The following KIAA1755 variants were observed in gnomAD, a reference collection of about 807,000 sequenced individuals.
KIAA1755 encodes uncharacterized protein KIAA1755.
In KIAA1755, 68 loss-of-function variants were observed where a neutral mutation model predicts 91.7. The observed-to-expected ratio is 0.74, with a 90% CI of 0.61 to 0.91. The LOEUF is 0.91. KIAA1755 is among the 40% of genes least tolerant of loss of function. The probability of loss-of-function intolerance (pLI) is 0.00; values close to 1 mark genes in which losing one functional copy is unlikely to be tolerated. For missense variants in KIAA1755, 1,535 were observed against 1,494.4 expected (o/e 1.03, Z -0.45); for synonymous variants, 610 against 604.6 (o/e 1.01, Z -0.13).
chr20:38,250,998 A>T (rs2123312151), intron 1 of KIAA1755, among the ~76,000 whole-genome samples: 1 of 152,254 alleles, frequency 6.6e-6, no homozygotes, highest in Non-Finnish European at 1.5e-5. Context: ...GTAACTCCAA[A>T]AATAAACTGA....
rs1198701514 is a variant in KIAA1755, at chr20:38,223,561, C to A, written c.2245G>T (p.Ala749Ser). The change falls in exon 9 of 14, where the codon GCC (alanine) becomes TCC (serine). Residue 749 changes from alanine to serine, a missense_variant. Physicochemically the swap from Ala to Ser is moderately conservative, Grantham distance 99. Coordinates refer to ENST00000279024, the MANE Select transcript of KIAA1755 (RefSeq NM_001029864.2). ...ACCTGCATCCCCCCAGGGGGGTCGG[C>A]CTTCTCGAATTCCTCGATGGAAGCT... ...LQASIEEFEK[A>S]DPPGGMQEAT... is the part of the protein sequence containing the mutation. The A allele has an allele frequency of 1.9e-6, 3 of 1,599,062 alleles. No homozygotes were observed. The highest frequency in any genetic ancestry group is 2.6e-6 in the Non-Finnish European group (3 of 1,174,192).
chr20:38,251,386 C>T (rs1286128838), intron 1 of KIAA1755, among the ~76,000 whole-genome samples: 2 of 152,188 alleles, frequency 1.3e-5, no homozygotes, highest in East Asian at 1.9e-4. Flanking sequence ...TAACCAGGCC[C>T]GCATTCCTGG....
intron 8 of KIAA1755, 52 bp from the exon 9 acceptor site, chr20:38,223,688 A>G (rs939752820): frequency 4.3e-6 from 6 of 1,398,136 alleles, no homozygotes; most frequent in Non-Finnish European, 5.0e-6. Flanking sequence ...AACCAGGAGG[A>G]TGCCTCTTGC....
At chr20:38,224,436 T>C (rs138195547) in intron 8 of KIAA1755, among the ~76,000 whole-genome samples, 1 of 152,336 alleles carries the variant, frequency 6.6e-6, no homozygotes, top group East Asian at 1.9e-4. Context: ...ACTTACTGCC[T>C]ATTCAAAAAC....
chr20:38,219,022 G>A (rs988672008), intron 11 of KIAA1755, among the ~76,000 whole-genome samples: 10 of 152,130 alleles, frequency 6.6e-5, no homozygotes, highest in African/African-American at 1.7e-4. Flanking sequence ...AATGTAGCAC[G>A]TACTGATATT....
chr20:38,243,499 G>C (rs1027120501), intron 2 of KIAA1755, among the ~76,000 whole-genome samples: 7 of 152,208 alleles, frequency 4.6e-5, no homozygotes, highest in Middle Eastern at 3.2e-3. Context: ...CCAGAGTGAT[G>C]ATGGCTTTGC....
Position 38,217,464 on chromosome 20 carries a change from C to A in KIAA1755, c.2690G>T (p.Arg897Leu), listed in dbSNP as rs150964778. 29 of 1,605,762 alleles carry A rather than the reference C, an allele frequency of 1.8e-5. No individual in the cohort carries two copies. Among genetic ancestry groups the A allele is most frequent in the Non-Finnish European group, 2.5e-5 (29 of 1,176,462 alleles). ...CTGCTTGGACAGCTCCAGGCCTCGG[C>A]GGTACTGGGCCTGAGAGGGGAGAGG... ...NFFLQAAAQY[R>L]RGLELSKQAA... Residue 897 changes from arginine (R) to leucine (L), a missense_variant, in exon 13 of 14, where the codon CGC (arginine) becomes CTC (leucine). Physicochemically the swap from Arg to Leu is moderately radical, Grantham distance 102. Transcript: ENST00000279024.
At chr20:38,239,189 C>A (rs1485286672) in intron 4 of KIAA1755, among the ~76,000 whole-genome samples, 1 of 152,236 alleles carries the variant, frequency 6.6e-6, no homozygotes, top group Admixed American at 6.5e-5. Flanking sequence ...ACCCTCTGTC[C>A]TTCTCCTCAG....
At chr20:38,215,721 G>T (rs1380876770) in intron 13 of KIAA1755, among the ~76,000 whole-genome samples, 1 of 152,204 alleles carries the variant, frequency 6.6e-6, no homozygotes, top group African/African-American at 2.4e-5. Context: ...ATCCGGGAAG[G>T]CCAGTGGGGC....
chr20:38,223,333 G>A (rs567862372), intron 9 of KIAA1755, among the ~76,000 whole-genome samples: 1 of 152,372 alleles, frequency 6.6e-6, no homozygotes, highest in South Asian at 2.1e-4. Flanking sequence ...CGAGCCCCAA[G>A]AGGGCAGGGA....
intron 1 of KIAA1755, among the ~76,000 whole-genome samples, chr20:38,259,118 G>A (rs1185026435): frequency 5.9e-5 from 9 of 152,154 alleles, no homozygotes; most frequent in African/African-American, 1.9e-4. Context: ...GGAGATAGCC[G>A]CAGGTCTAAT....
chr20:38,217,855 C>G (rs2075579286), intron 12 of KIAA1755: 1 of 419,790 alleles, frequency 2.4e-6, no homozygotes, highest in South Asian at 3.2e-5. Context: ...CCGCTCCCCA[C>G]TGGCCTGAGA....
chr20:38,229,106 T>C (rs915076590), intron 5 of KIAA1755, among the ~76,000 whole-genome samples: 1 of 152,174 alleles, frequency 6.6e-6, no homozygotes, highest in African/African-American at 2.4e-5. Context: ...TCAGGCAGGA[T>C]TGAAAAATAG....
intron 10 of KIAA1755, 149 bp downstream of exon 10, chr20:38,222,300 G>T (rs1043005702): frequency 8.7e-6 from 7 of 806,914 alleles, no homozygotes; most frequent in Non-Finnish European, 1.0e-5. Context: ...GTGACCAGGC[G>T]TCAGCCTGGG....
chr20:38,250,358 A>G (rs1218860920), intron 1 of KIAA1755, among the ~76,000 whole-genome samples: 2 of 152,126 alleles, frequency 1.3e-5, no homozygotes, highest in African/African-American at 4.8e-5. Flanking sequence ...TAAGGAGTTG[A>G]TCAAGATTGG....
At chr20:38,250,289 TA>T (rs1237319740) in intron 1 of KIAA1755, among the ~76,000 whole-genome samples, 1 of 152,176 alleles carries the variant, frequency 6.6e-6, no homozygotes, top group Non-Finnish European at 1.5e-5. Context: ...AAGTCAGATT[TA>T]ACTCGTTGTG....
chr20:38,220,721 G>A (rs555812690), intron 10 of KIAA1755, among the ~76,000 whole-genome samples: 2 of 152,322 alleles, frequency 1.3e-5, no homozygotes, highest in South Asian at 4.1e-4. Flanking sequence ...AGCGCACGAT[G>A]TTTGTCAGGT....
chr20:38,222,954 C>T (rs1015188050), intron 9 of KIAA1755: 22 of 341,502 alleles, frequency 6.4e-5, no homozygotes, highest in Admixed American at 1.8e-4. Flanking sequence ...GCTTTCCCTG[C>T]AGGCTTCGAA....
rs1206867549 is a variant in KIAA1755 at position 38,213,592 on chromosome 20, C to A, written c.3053G>T (p.Gly1018Val). 1 of 1,609,096 alleles carries A rather than the reference C, an allele frequency of 6.2e-7. No individual in the cohort carries two copies. The highest frequency in any genetic ancestry group is 1.7e-5 in the Admixed American group (1 of 59,762). ...CCGGCTCAGGGAGGCCACCTGCAGC[C>A]CCACGGCTGCGAGCTTCTCAGCAGG... Reference protein sequence around the residue: ...EFPAEKLAAVGLQVASLSRAG... With the variant: ...EFPAEKLAAVVLQVASLSRAG... The change falls in exon 14 of 14, where the codon GGG becomes GTG. Residue 1018 changes from glycine (G) to valine (V), a missense_variant. Gly to Val is a moderately radical substitution (Grantham distance 109). Transcript: ENST00000279024.
Sources: gnomAD v4.1 joint callset for allele counts (sites outside exome capture counted in the v4.1 genomes callset) on GRCh38, gnomAD v4.1.1 for gene constraint, MANE v1.5 for transcripts, NCBI Gene and HGNC (gene_info 2026-07-23, HGNC 2026-07-21) for gene names.